The following ESYT2 variants were observed in gnomAD, a reference collection of about 807,000 sequenced individuals.
ESYT2 encodes extended synaptotagmin 2.
Under a neutral mutation model 107.2 loss-of-function variants are expected in ESYT2, and 54 were observed. That is an observed-to-expected ratio of 0.50 (90% CI 0.40 to 0.63). ESYT2 has a LOEUF of 0.63. Among genes scored for constraint, ESYT2 ranks in the 30% least tolerant of loss-of-function variants. ESYT2 has a pLI of 0.00. For synonymous variants in ESYT2, 491 were observed against 434.1 expected (o/e 1.13, Z -1.63); for missense variants, 1,020 against 1,094.5 (o/e 0.93, Z 0.96).
At position 158,785,130 on chromosome 7, in the gene ESYT2, T is replaced by G. The variant is rs554611528; in HGVS notation, c.747+2874A>C. Among the ~76,000 whole-genome samples the G allele has an allele frequency of 2.3e-4, 35 of 152,226 alleles. No individual in the cohort carries two copies. In the South Asian group the frequency reaches 6.6e-3, roughly 29 times the overall value. On this transcript the variant is annotated intron_variant, in intron 6 of 22. Transcript: ENST00000275418. ...CCAAGCTTTTCTCCTTACTGATAATTCACCTCTAGTGGCCGGGCACGGTGG... is the reference window on the plus strand; with the variant it reads ...CCAAGCTTTTCTCCTTACTGATAATGCACCTCTAGTGGCCGGGCACGGTGG...
Position 158,813,602 on chromosome 7 carries a change from T to C in ESYT2, c.331-14530A>G, listed in dbSNP as rs563510189. Among the ~76,000 whole-genome samples, 33 of 152,292 alleles carry C rather than the reference T, an allele frequency of 2.2e-4. No homozygotes were observed. In the East Asian group the frequency reaches 2.9e-3, roughly 13 times the overall value. On this transcript the variant is annotated intron_variant, in intron 1 of 22. Transcript: ENST00000275418. ...AAATAAATACCTTTCCAGACAAAAA[T>C]TGAGAAAATCCATTGCTAGTAGACT... is the stretch of plus-strand genomic sequence containing the variant.
chr7:158,819,134 T>C (rs181584544), intron 1 of ESYT2, among the ~76,000 whole-genome samples: 90 of 152,394 alleles, frequency 5.9e-4, no homozygotes, highest in African/African-American at 2.1e-3. Flanking sequence ...TGACTCATTA[T>C]GGAGGGAATG....
At chr7:158,802,754 T>C (rs1000653587) in intron 1 of ESYT2, among the ~76,000 whole-genome samples, 1 of 152,246 alleles carries the variant, frequency 6.6e-6, no homozygotes, top group Non-Finnish European at 1.5e-5. Flanking sequence ...ATAGGTAATG[T>C]CTGAGACAAT....
chr7:158,813,121 GAA>G (rs1393852903), intron 1 of ESYT2, among the ~76,000 whole-genome samples: 2 of 152,142 alleles, frequency 1.3e-5, no homozygotes, highest in African/African-American at 4.8e-5. Context: ...ATCAAGCAAT[GAA>G]AAGACACAGA....
At chr7:158,734,909 T>TCG (rs1836869780) in intron 21 of ESYT2, among the ~76,000 whole-genome samples, 1 of 152,236 alleles carries the variant, frequency 6.6e-6, no homozygotes, top group Non-Finnish European at 1.5e-5. Flanking sequence ...TTCTGAAGGC[T>TCG]CTTACTTTTT....
intron 6 of ESYT2, among the ~76,000 whole-genome samples, chr7:158,782,937 G>T (rs549888353): frequency 7.7e-4 from 118 of 152,322 alleles, no homozygotes; most frequent in African/African-American, 2.6e-3. Context: ...TCCACATGAG[G>T]GCACCGTGGA....
intron 1 of ESYT2, among the ~76,000 whole-genome samples, chr7:158,799,699 A>C (rs1192494904): frequency 6.6e-6 from 1 of 152,230 alleles, no homozygotes; most frequent in African/African-American, 2.4e-5. Context: ...CTTTTGGCCC[A>C]AACCAGCTAA....
intron 16 of ESYT2, among the ~76,000 whole-genome samples, chr7:158,746,310 A>T (rs1178596731): frequency 6.6e-6 from 1 of 152,092 alleles, no homozygotes; most frequent in Non-Finnish European, 1.5e-5. Flanking sequence ...ATGTAGTCCC[A>T]GCCACTTGGG....
rs557254598 is a variant in ESYT2, at chr7:158,759,196, T to G, written c.1419+290A>C. Among the ~76,000 whole-genome samples, 400 of 152,334 alleles carry G rather than the reference T, an allele frequency of 2.6e-3. 3 individuals are homozygous for G. Among genetic ancestry groups the G allele is most frequent in the Middle Eastern group, 0.014 (4 of 294 alleles). The stretch of plus-strand genomic sequence containing the variant: ...AATTTCCATCCTAAGGCAACTAAGT[T>G]TTAATGCTTAGTGATTTTCTAGAGA... On this transcript the variant is annotated intron_variant, in intron 13 of 22. Coordinates refer to ENST00000275418, the MANE Select transcript of ESYT2 (RefSeq NM_001367773.1).
chr7:158,740,544 C>T (rs1051009551), intron 18 of ESYT2, among the ~76,000 whole-genome samples: 1 of 152,134 alleles, frequency 6.6e-6, no homozygotes, highest in Non-Finnish European at 1.5e-5. Context: ...GAGACTGCAG[C>T]GCCCTTCCTT....
At chr7:158,767,517 T>C (rs1481564079) in intron 8 of ESYT2, 137 bp downstream of exon 8, 9 of 1,104,958 alleles carry the variant, frequency 8.1e-6, no homozygotes, top group East Asian at 4.9e-5. Context: ...GGACAACCAA[T>C]AGTCAATGCA....
intron 7 of ESYT2, among the ~76,000 whole-genome samples, chr7:158,772,884 G>C (rs527356944): frequency 2.0e-5 from 2 of 101,278 alleles, no homozygotes; most frequent in African/African-American, 7.4e-5. Flanking sequence ...AAAAGGAATG[G>C]AATAAAAGTT....
intron 10 of ESYT2, 98 bp downstream of exon 10, chr7:158,762,982 GACA>G (rs1316581617): frequency 3.7e-5 from 27 of 722,028 alleles, no homozygotes; most frequent in Non-Finnish European, 5.3e-5. Context: ...TTAATGAATA[GACA>G]ACAAGTATAC....
At chr7:158,763,820 A>G (rs1349339465) in intron 9 of ESYT2, among the ~76,000 whole-genome samples, 1 of 152,170 alleles carries the variant, frequency 6.6e-6, no homozygotes, top group Non-Finnish European at 1.5e-5. Context: ...TCCAGGACAC[A>G]TCCCTCTAGT....
intron 13 of ESYT2, among the ~76,000 whole-genome samples, chr7:158,754,054 T>C (rs1837671604): frequency 6.6e-6 from 1 of 152,142 alleles, no homozygotes; most frequent in African/African-American, 2.4e-5. Flanking sequence ...TGGACAGCTG[T>C]GTGGCTCTGG....
Position 158,741,888 on chromosome 7 carries a change from A to G in ESYT2, c.1803T>C (p.His601=), listed in dbSNP as rs1324611929. The G allele has an allele frequency of 1.2e-6, 2 of 1,603,118 alleles. No individual in the cohort carries two copies. Among genetic ancestry groups the G allele is most frequent in the African/African-American group, 2.7e-5 (2 of 74,398 alleles). Residue 601 remains histidine, a synonymous_variant, in exon 18 of 23, where the codon CAT becomes CAC. Transcript: ENST00000275418. ...IKMKIALRVL[H]LEKRERPPDH... is the part of the protein sequence containing the mutation. ...CTGGAGGCCTTTCTCGCTTTTCGAG[A>G]TGGAGCACCTAGAGGTGGACATAAA...
At chr7:158,749,525 G>C in intron 15 of ESYT2, 124 bp downstream of exon 15, 1 of 798,806 alleles carries the variant, frequency 1.3e-6, no homozygotes. Flanking sequence ...AAAAGCCCTG[G>C]TCTCGATGCC....
intron 13 of ESYT2, among the ~76,000 whole-genome samples, chr7:158,758,190 G>A (rs1484752244): frequency 6.6e-6 from 1 of 152,156 alleles, no homozygotes; most frequent in Non-Finnish European, 1.5e-5. Context: ...ACAACAAAGA[G>A]TACAATCACA....
intron 18 of ESYT2, among the ~76,000 whole-genome samples, chr7:158,740,022 C>T (rs998141994): frequency 3.3e-5 from 5 of 152,208 alleles, no homozygotes; most frequent in African/African-American, 9.6e-5. Context: ...GCACTGGCCT[C>T]GAGAGCAGCA....
Sources: gnomAD v4.1 joint callset for allele counts (sites outside exome capture counted in the v4.1 genomes callset) on GRCh38, gnomAD v4.1.1 for gene constraint, MANE v1.5 for transcripts, NCBI Gene and HGNC (gene_info 2026-07-23, HGNC 2026-07-21) for gene names.